The following TRIM9 variants were observed in gnomAD, a reference collection of about 807,000 sequenced individuals.
TRIM9 encodes the protein E3 ubiquitin-protein ligase TRIM9.
Under a neutral mutation model 78.3 loss-of-function variants are expected in TRIM9, and 26 were observed. The ratio of observed to expected loss-of-function variants is 0.33; its 90% CI spans 0.24 to 0.46. The LOEUF (loss-of-function observed/expected upper bound fraction) is 0.46. TRIM9 is among the 20% of genes least tolerant of loss of function. The pLI, the probability that TRIM9 is intolerant of heterozygous loss-of-function variation, is 1.00. For synonymous variants in TRIM9, 398 were observed against 416.5 expected (o/e 0.96, Z 0.54); for missense variants, 787 against 1,036.4 (o/e 0.76, Z 3.30).
intron 7 of TRIM9, among the ~76,000 whole-genome samples, chr14:50,990,492 C>T (rs1256314603): frequency 6.6e-6 from 1 of 152,114 alleles, no homozygotes; most frequent in Non-Finnish European, 1.5e-5. Flanking sequence ...TTTTACACTT[C>T]TGGGGGTGGA....
At chr14:51,060,911 G>C (rs951145000) in intron 1 of TRIM9, among the ~76,000 whole-genome samples, 9 of 152,256 alleles carry the variant, frequency 5.9e-5, no homozygotes, top group Middle Eastern at 3.4e-3. Context: ...CACTAGCAAT[G>C]GTAGAAAATT....
intron 3 of TRIM9, among the ~76,000 whole-genome samples, chr14:51,014,676 C>G (rs1004468738): frequency 6.6e-6 from 1 of 152,212 alleles, no homozygotes. Context: ...TTTATCAACT[C>G]TCTTACTTGC....
intron 7 of TRIM9, chr14:50,997,590 G>A (rs770014162): frequency 7.9e-6 from 8 of 1,006,702 alleles, no homozygotes; most frequent in Non-Finnish European, 9.5e-6. Context: ...AACACATTCA[G>A]TCATACAAAT....
intron 11 of TRIM9, 63 bp from the exon 12 acceptor site, chr14:50,979,612 T>C: frequency 7.1e-7 from 1 of 1,407,152 alleles, no homozygotes; most frequent in Non-Finnish European, 9.9e-7. Flanking sequence ...CTCCCCCCTT[T>C]TGTGTGGTGA....
chr14:50,997,724 G>A, intron 7 of TRIM9: 1 of 1,249,348 alleles, frequency 8.0e-7, no homozygotes, highest in South Asian at 2.4e-5. Context: ...CTGCTCTAGA[G>A]CCTAGATACA....
intron 1 of TRIM9, among the ~76,000 whole-genome samples, chr14:51,036,002 G>T (rs1169674726): frequency 6.6e-6 from 1 of 152,162 alleles, no homozygotes; most frequent in Non-Finnish European, 1.5e-5. Flanking sequence ...AATCACAATT[G>T]CTTGCAAGAA....
chr14:51,029,015 C>T (rs948232204), intron 1 of TRIM9, among the ~76,000 whole-genome samples: 2 of 152,244 alleles, frequency 1.3e-5, no homozygotes, highest in Middle Eastern at 3.4e-3. Flanking sequence ...CTACTTCTCA[C>T]GCTCAGCAAA....
intron 1 of TRIM9, among the ~76,000 whole-genome samples, chr14:51,049,893 A>G (rs2060258742): frequency 6.6e-6 from 1 of 152,092 alleles, no homozygotes; most frequent in Non-Finnish European, 1.5e-5. Context: ...GGCAGAGGAA[A>G]TGGCTCTGGT....
intron 5 of TRIM9, 68 bp downstream of exon 5, chr14:51,009,012 G>A: frequency 6.5e-7 from 1 of 1,529,884 alleles, no homozygotes; most frequent in Non-Finnish European, 9.0e-7. Flanking sequence ...AAGGGGTACT[G>A]ATCCTGCTTC....
intron 2 of TRIM9, 117 bp from the exon 3 acceptor site, chr14:51,023,074 C>T (rs2057909062): frequency 2.9e-6 from 4 of 1,356,626 alleles, no homozygotes; most frequent in Non-Finnish European, 4.0e-6. Flanking sequence ...CCACAATGCA[C>T]ATTTGGTAAT....
intron 1 of TRIM9, among the ~76,000 whole-genome samples, chr14:51,026,835 A>G (rs888313889): frequency 6.6e-6 from 1 of 152,160 alleles, no homozygotes; most frequent in South Asian, 2.1e-4. Flanking sequence ...AATTACTCCA[A>G]TGGAAAAGGT....
chr14:51,039,697 T>A (rs1429127961), intron 1 of TRIM9, among the ~76,000 whole-genome samples: 1 of 152,148 alleles, frequency 6.6e-6, no homozygotes, highest in African/African-American at 2.4e-5. Context: ...TTTTTAAGTT[T>A]ATGTAACTGC....
In TRIM9 at chr14:51,015,210, C is replaced by A. The variant is rs1596176621; in HGVS notation, c.1042-4716G>T. 2.0e-5 allele frequency among the ~76,000 whole-genome samples: 3 copies of A among 152,158 alleles called. No individual in the cohort carries two copies. The South Asian group carries it at 6.2e-4, about 32-fold the overall frequency. On this transcript the variant is annotated intron_variant, in intron 3 of 12. Coordinates refer to ENST00000684578, the MANE Select transcript of TRIM9 (RefSeq NM_001387360.1). ...TGTTGTGTCTCTTTGAATTCTCAGACATTGTCAGTAGCACAGAGCAACTCA... is the reference window on the plus strand; with the variant it reads ...TGTTGTGTCTCTTTGAATTCTCAGAAATTGTCAGTAGCACAGAGCAACTCA...
chr14:51,058,616 C>G (rs1245212291), intron 1 of TRIM9, among the ~76,000 whole-genome samples: 1 of 150,474 alleles, frequency 6.6e-6, no homozygotes, highest in South Asian at 2.1e-4. Flanking sequence ...CGCTGGTGAG[C>G]CACCCTGGGC....
intron 5 of TRIM9, among the ~76,000 whole-genome samples, chr14:51,006,178 A>G (rs2055772865): frequency 6.6e-6 from 1 of 152,232 alleles, no homozygotes; most frequent in Admixed American, 6.5e-5. Context: ...AAATATTTTA[A>G]CTTCCTCCTG....
intron 5 of TRIM9, among the ~76,000 whole-genome samples, chr14:51,001,357 G>C (rs2054995781): frequency 6.6e-6 from 1 of 151,742 alleles, no homozygotes; most frequent in Non-Finnish European, 1.5e-5. Flanking sequence ...AGCCTCCGGA[G>C]TAGCTGGGAC....
intron 1 of TRIM9, among the ~76,000 whole-genome samples, chr14:51,071,942 C>A (rs553817591): frequency 6.6e-6 from 1 of 152,202 alleles, no homozygotes; most frequent in Non-Finnish European, 1.5e-5. Context: ...TGAGGTGCTA[C>A]GCATTTGCCA....
intron 1 of TRIM9, among the ~76,000 whole-genome samples, chr14:51,074,243 A>G (rs1450223447): frequency 6.6e-6 from 1 of 152,000 alleles, no homozygotes; most frequent in Non-Finnish European, 1.5e-5. Context: ...ACATAGCAAG[A>G]CTCCGTCTCT....
At chr14:50,988,737 A>G (rs772800676) in intron 7 of TRIM9, among the ~76,000 whole-genome samples, 8 of 152,170 alleles carry the variant, frequency 5.3e-5, no homozygotes, top group Non-Finnish European at 1.2e-4. Flanking sequence ...ACACTTTCCA[A>G]CTGATCCCAG....
Sources: gnomAD v4.1 joint callset for allele counts (sites outside exome capture counted in the v4.1 genomes callset) on GRCh38, gnomAD v4.1.1 for gene constraint, MANE v1.5 for transcripts, NCBI Gene and HGNC (gene_info 2026-07-23, HGNC 2026-07-21) for gene names.